AMD1: variants seen among roughly 807,000 people sequenced by gnomAD.
AMD1 encodes the protein S-adenosylmethionine decarboxylase proenzyme.
In AMD1, 11 loss-of-function variants were observed where a neutral mutation model predicts 40.2. That is an observed-to-expected ratio of 0.27 (90% CI 0.17 to 0.45). The LOEUF (loss-of-function observed/expected upper bound fraction) is 0.45. Among genes scored for constraint, AMD1 ranks in the 20% least tolerant of loss-of-function variants. The pLI, the probability that AMD1 is intolerant of heterozygous loss-of-function variation, is 1.00. For missense variants in AMD1, 257 were observed against 410.2 expected (o/e 0.63, Z 3.23); for synonymous variants, 121 against 130.8 (o/e 0.93, Z 0.51).
chr6:110,815,073 A>C, the AMD1 span: 1 of 1,604,280 alleles, frequency 6.2e-7, no homozygotes, highest in Non-Finnish European at 8.5e-7. Flanking sequence ...CACCCTTCGT[A>C]CTCAAACAAA....
At chr6:110,845,035 G>A in the AMD1 span, among the ~76,000 whole-genome samples, 40 of 140,242 alleles carry the variant, frequency 2.9e-4, no homozygotes, top group African/African-American at 5.7e-4. Flanking sequence ...AGGTGCCACA[G>A]ACCTTTTTTT....
At chr6:110,890,222 T>A (rs1785936950) in intron 3 of AMD1, 32 bp from the exon 4 acceptor site, 1 of 1,422,114 alleles carries the variant, frequency 7.0e-7, no homozygotes, top group African/African-American at 1.5e-5. Flanking sequence ...TAAAGTCATC[T>A]TTTTTTTTCT....
the AMD1 span, among the ~76,000 whole-genome samples, chr6:110,868,628 G>A: frequency 6.6e-6 from 1 of 152,256 alleles, no homozygotes; most frequent in Admixed American, 6.5e-5. Context: ...ACATTGAGGA[G>A]AGTCTTATCA....
the AMD1 span, among the ~76,000 whole-genome samples, chr6:110,869,702 G>T: frequency 2.8e-3 from 418 of 151,086 alleles, 2 homozygotes; most frequent in Middle Eastern, 6.9e-3. Context: ...AGAGACGGGG[G>T]TTCTCCTTTT....
chr6:110,883,872 T>G (rs888932852), intron 1 of AMD1, among the ~76,000 whole-genome samples: 4 of 152,122 alleles, frequency 2.6e-5, no homozygotes, highest in Non-Finnish European at 4.4e-5. Context: ...ATTACAGGCG[T>G]GAGCCACTGC....
At chr6:110,888,648 A>G (rs2115303972) in intron 2 of AMD1, 1 of 392,744 alleles carries the variant, frequency 2.5e-6, no homozygotes, top group East Asian at 4.6e-5. Context: ...TTATGAATAT[A>G]CGAATGTTTA....
chr6:110,869,466 A>C, the AMD1 span, among the ~76,000 whole-genome samples: 4 of 149,356 alleles, frequency 2.7e-5, no homozygotes, highest in Non-Finnish European at 5.9e-5. Flanking sequence ...TGTATTTTGC[A>C]GTAACAGTAC....
chr6:110,858,266 C>A, the AMD1 span: 7 of 954,714 alleles, frequency 7.3e-6, no homozygotes, highest in Admixed American at 9.9e-5. Flanking sequence ...CAACAAGGAC[C>A]CCTCGTACGG....
At chr6:110,875,535 C>T (rs998963461) in intron 1 of AMD1, 20 of 236,554 alleles carry the variant, frequency 8.5e-5, no homozygotes, top group Non-Finnish European at 1.5e-4. Flanking sequence ...TTTTGCGGCC[C>T]GCGCCTCCCG....
chr6:110,892,037 A>G (rs1474938493), intron 4 of AMD1, 124 bp from the exon 5 acceptor site: 5 of 1,155,670 alleles, frequency 4.3e-6, no homozygotes, highest in South Asian at 4.0e-5. Context: ...TGCCCAGTCC[A>G]CTGATGGATG....
the AMD1 span, among the ~76,000 whole-genome samples, chr6:110,860,726 G>T: frequency 6.6e-6 from 1 of 151,840 alleles, no homozygotes; most frequent in Non-Finnish European, 1.5e-5. Context: ...CTTGAACACG[G>T]GAGGTGGAGG....
the AMD1 span, among the ~76,000 whole-genome samples, chr6:110,848,898 A>G: frequency 6.6e-6 from 1 of 152,106 alleles, no homozygotes; most frequent in South Asian, 2.1e-4. Context: ...GCAGCTACTC[A>G]GGAAGGGGAG....
At chr6:110,875,558 G>C (rs1460369839) in intron 1 of AMD1, 3 of 199,278 alleles carry the variant, frequency 1.5e-5, no homozygotes, top group South Asian at 1.5e-4. Context: ...ATTTCCCTCC[G>C]TAGTAGTTGG....
At chr6:110,848,093 C>A in the AMD1 span, among the ~76,000 whole-genome samples, 1 of 151,986 alleles carries the variant, frequency 6.6e-6, no homozygotes, top group Admixed American at 6.6e-5. Context: ...ACACAAGTAA[C>A]CATTACATCA....
intron 2 of AMD1, 54 bp downstream of exon 2, chr6:110,887,645 T>G: frequency 7.8e-7 from 1 of 1,283,882 alleles, no homozygotes; most frequent in Non-Finnish European, 1.1e-6. Flanking sequence ...AATCATAATG[T>G]GAAACAGTTA....
chr6:110,880,914 C>T (rs150524528), intron 1 of AMD1, among the ~76,000 whole-genome samples: 18 of 152,252 alleles, frequency 1.2e-4, no homozygotes, highest in Admixed American at 7.9e-4. Flanking sequence ...TCAAGTGATC[C>T]GCCTGCCTCG....
the AMD1 span, among the ~76,000 whole-genome samples, chr6:110,822,092 G>A: frequency 6.6e-6 from 1 of 151,910 alleles, no homozygotes; most frequent in African/African-American, 2.4e-5. Flanking sequence ...AAGAGAGAAG[G>A]CCTGGCACAG....
At chr6:110,827,706 A>C in the AMD1 span, among the ~76,000 whole-genome samples, 1 of 150,896 alleles carries the variant, frequency 6.6e-6, no homozygotes, top group Non-Finnish European at 1.5e-5. Context: ...AGGAGGTTGC[A>C]GTGAGCTGAG....
the AMD1 span, among the ~76,000 whole-genome samples, chr6:110,844,746 A>G: frequency 6.6e-6 from 1 of 151,306 alleles, no homozygotes; most frequent in African/African-American, 2.4e-5. Context: ...ACACCATTGC[A>G]CTCCACCCTG....
Sources: allele counts gnomAD v4.1 joint callset (sites outside exome capture counted in the v4.1 genomes callset), GRCh38; gene constraint gnomAD v4.1.1; transcripts MANE v1.5; gene names NCBI Gene and HGNC (gene_info 2026-07-23, HGNC 2026-07-21).